Variants in LNPEP observed in about 807,000 individuals in gnomAD.
LNPEP encodes leucyl and cystinyl aminopeptidase, also known as leucyl-cystinyl aminopeptidase.
A neutral mutation model predicts 120.6 loss-of-function variants in LNPEP; 64 were observed. The ratio of observed to expected loss-of-function variants is 0.53; its 90% CI spans 0.43 to 0.65. The LOEUF (loss-of-function observed/expected upper bound fraction) is 0.65, where lower values mean the gene tolerates loss of function less well. Ranked by LOEUF, LNPEP falls within the 30% of genes least tolerant of loss-of-function variation. The pLI is 0.00. For missense variants in LNPEP, 1,057 were observed against 1,200.0 expected, an observed-to-expected ratio of 0.88 and a Z score of 1.76; for synonymous variants, 435 against 425.4, an observed-to-expected ratio of 1.02 and a Z score of -0.28.
At chr5:97,023,160 T>C (rs551200745) in intron 14 of LNPEP, among the ~76,000 whole-genome samples, 3 of 152,276 alleles carry the variant, frequency 2.0e-5, no homozygotes, top group Non-Finnish European at 1.5e-5. Context: ...TAAAGTCATA[T>C]AGAATTTGCT....
At position 96,986,693 on chromosome 5, in the gene LNPEP, T is replaced by G; in HGVS notation, c.1131+23T>G. The stretch of plus-strand genomic sequence containing the variant: ...CTGGTATGTTGATGTGGTAATTGTC[T>G]GAAAGCCTGTGTCACAAGAGGCTCA... On this transcript the variant is annotated intron_variant, in intron 4 of 17. Transcript: ENST00000231368. 5 of 1,611,036 alleles carry G rather than the reference T, an allele frequency of 3.1e-6. No homozygotes were observed. In the South Asian group the frequency reaches 5.5e-5, roughly 18 times the overall value.
chr5:96,945,462 CAA>C lies in LNPEP; in HGVS notation c.19+9289_19+9290del, dbSNP rs149670738. ...GTCTTTTTCTATAGAATGTTCCACACAAGAGACAGCTTTGCAGGGCCATTTCA... is the reference window on the plus strand; with the variant it reads ...GTCTTTTTCTATAGAATGTTCCACACGAGACAGCTTTGCAGGGCCATTTCA... On this transcript the variant is annotated intron_variant, in intron 1 of 17. Coordinates refer to ENST00000231368, the MANE Select transcript of LNPEP (RefSeq NM_005575.3). Among the ~76,000 whole-genome samples, 686 of 150,068 alleles carry C rather than the reference CAA, an allele frequency of 4.6e-3. 8 individuals carry two copies. The highest frequency in any genetic ancestry group is 0.016 in the African/African-American group (637 of 40,826).
At chr5:96,996,365 G>T (rs965416136) in intron 6 of LNPEP, 25 bp from the exon 7 acceptor site, 15 of 1,252,404 alleles carry the variant, frequency 1.2e-5, no homozygotes, top group African/African-American at 1.7e-5. Context: ...ATATCCTGTG[G>T]GTTAATTGTT....
intron 1 of LNPEP, among the ~76,000 whole-genome samples, chr5:96,952,358 A>G (rs1243195991): frequency 6.6e-6 from 1 of 152,196 alleles, no homozygotes; most frequent in Non-Finnish European, 1.5e-5. Flanking sequence ...GGCATATAAC[A>G]TATTATGATG....
chr5:96,984,031 T>C (rs1371332329), intron 2 of LNPEP, among the ~76,000 whole-genome samples: 3 of 152,192 alleles, frequency 2.0e-5, no homozygotes, highest in Non-Finnish European at 4.4e-5. Flanking sequence ...CCTACCTTTG[T>C]GGCTTCATCT....
rs796273808 is a variant in LNPEP at position 97,010,791 on chromosome 5, C to T, written c.2036-2857C>T. The T allele has an allele frequency of 1.6e-5, 16 of 985,358 alleles. 1 individual carries two copies. The African/African-American group carries it at 2.6e-4, about 16-fold the overall frequency. The allele number at this position is 985,358 out of a possible 1,614,324, so 61.0% of individuals were successfully genotyped here. A position where few individuals can be genotyped will look rare whatever the true frequency, so the allele number is the denominator to read the frequency against. ...GTAAATTAAAAACATATGAGGGTAG[C>T]TTCATCCACGTTTGAGCTGTAGGAT... On this transcript the variant is annotated intron_variant, in intron 11 of 17. Transcript: ENST00000231368.
At position 96,979,581 on chromosome 5, in the gene LNPEP, G is replaced by A; in HGVS notation, c.463G>A (p.Ala155Thr). 6.2e-7 allele frequency: 1 copy of A among 1,614,054 alleles called. No individual in the cohort carries two copies. The highest frequency in any genetic ancestry group is 8.5e-7 in the Non-Finnish European group (1 of 1,179,964). The change falls in exon 2 of 18, where the codon GCA becomes ACA. Residue 155 changes from alanine to threonine, a missense_variant. By Grantham distance (58) the Ala-to-Thr change is moderately conservative. Transcript: ENST00000231368. ...GTCAATTGGACTAATTCAGCCATTT[G>A]CAACAAATGGGAAATTGTTTCCATG... ...NQSIGLIQPFATNGKLFPWAQ... is the reference protein window; with the variant it reads ...NQSIGLIQPFTTNGKLFPWAQ...
chr5:96,936,527 C>G (rs902068965), intron 1 of LNPEP: 19 of 201,412 alleles, frequency 9.4e-5, no homozygotes, highest in African/African-American at 4.4e-4. Flanking sequence ...CCCGACTCTC[C>G]TGTAGGAGCG....
At chr5:97,013,532 T>C in intron 11 of LNPEP, 116 bp from the exon 12 acceptor site, 3 of 521,668 alleles carry the variant, frequency 5.8e-6, no homozygotes, top group Non-Finnish European at 9.7e-6. Context: ...ACAGGCATTT[T>C]TTTCTTACTA....
At chr5:96,943,448 G>A (rs1405494868) in intron 1 of LNPEP, among the ~76,000 whole-genome samples, 1 of 152,072 alleles carries the variant, frequency 6.6e-6, no homozygotes, top group Non-Finnish European at 1.5e-5. Flanking sequence ...CACCATGCCT[G>A]GCTAATTTTT....
intron 4 of LNPEP, among the ~76,000 whole-genome samples, chr5:96,992,056 C>G (rs1166348073): frequency 2.0e-5 from 3 of 152,084 alleles, no homozygotes; most frequent in Admixed American, 6.5e-5. Flanking sequence ...TTTGTAAAAC[C>G]CATTGCTTTG....
intron 11 of LNPEP, among the ~76,000 whole-genome samples, chr5:97,013,015 A>G (rs769832006): frequency 6.6e-6 from 1 of 152,168 alleles, no homozygotes; most frequent in Non-Finnish European, 1.5e-5. Flanking sequence ...GACACATTTT[A>G]CACAGTTCTC....
In LNPEP at chr5:97,030,623, TG is replaced by T. The variant is rs1791450752; in HGVS notation, c.*2091del. 4 of 15,632 alleles carry T rather than the reference TG, an allele frequency of 2.6e-4. No individual in the cohort carries two copies. The highest frequency in any genetic ancestry group is 4.7e-4 in the Non-Finnish European group (4 of 8,442). 1.0% of individuals were successfully genotyped at this position (15,632 alleles called of 1,614,324 possible). The stretch of plus-strand genomic sequence containing the variant: ...TTCTCTCCCTCTCTCTCTCTCTCTG[TG>T]TGTGTGTGTGTGTGTGTGTGTGTGT... On this transcript the variant is annotated 3_prime_UTR_variant, in exon 18 of 18. Transcript: ENST00000231368.
At chr5:97,010,838 A>G in intron 11 of LNPEP, 1 of 985,414 alleles carries the variant, frequency 1.0e-6, no homozygotes, top group Non-Finnish European at 1.2e-6. Context: ...CCTTGTGTGC[A>G]AAGCTATTAT....
At position 97,033,305 on chromosome 5, in the gene LNPEP, G is replaced by A. The variant is rs2112683697; in HGVS notation, c.*4772G>A. ...TATTTGAGGTGAGGGGGAGGGACGG[G>A]GAAGGTAGGAAAATGCACTTAATGT... On this transcript the variant is annotated 3_prime_UTR_variant, in exon 18 of 18. Transcript: ENST00000231368. 6.6e-6 allele frequency: 1 copy of A among 152,186 alleles called. No homozygotes were observed. The highest frequency in any genetic ancestry group is 6.5e-5 in the Admixed American group (1 of 15,268). The allele number at this position is 152,186 out of a possible 1,614,324, so 9.4% of individuals were successfully genotyped here.
At chr5:96,974,632 A>G (rs1269199193) in intron 1 of LNPEP, among the ~76,000 whole-genome samples, 4 of 152,072 alleles carry the variant, frequency 2.6e-5, no homozygotes, top group Admixed American at 6.6e-5. Context: ...AAACTACTAC[A>G]TACCTTCAAA....
intron 11 of LNPEP, among the ~76,000 whole-genome samples, chr5:97,008,631 C>A (rs1790847920): frequency 6.9e-6 from 1 of 145,850 alleles, no homozygotes; most frequent in Non-Finnish European, 1.5e-5. Context: ...GGATTACAGG[C>A]ATGAGCCACC....
chr5:96,936,314 AGGGGATCTG>A lies in LNPEP; in HGVS notation c.19+146_19+154del, dbSNP rs1055133906. ...CACGAGGGCTGAGGGAGGCAGGGAGAGGGGATCTGGGGGAGGCAGGGAGGTTCGGGGGGC... is the reference window on the plus strand; with the variant it reads ...CACGAGGGCTGAGGGAGGCAGGGAGAGGGGAGGCAGGGAGGTTCGGGGGGC... On this transcript the variant is annotated intron_variant, in intron 1 of 17. Transcript: ENST00000231368. 9 of 158,824 alleles carry A rather than the reference AGGGGATCTG, an allele frequency of 5.7e-5. No individual in the cohort carries two copies. In the Admixed American group the frequency reaches 1.0e-3, roughly 18 times the overall value. The allele number at this position is 158,824 out of a possible 1,614,324, so 9.8% of individuals were successfully genotyped here.
intron 1 of LNPEP, among the ~76,000 whole-genome samples, chr5:96,953,077 C>G (rs1789362148): frequency 6.6e-6 from 1 of 151,732 alleles, no homozygotes; most frequent in South Asian, 2.1e-4. Flanking sequence ...CTTTCTCAAG[C>G]TTTGCCCCGG....
Sources: allele counts gnomAD v4.1 joint callset (sites outside exome capture counted in the v4.1 genomes callset), GRCh38; gene constraint gnomAD v4.1.1; transcripts MANE v1.5; gene names NCBI Gene and HGNC (gene_info 2026-07-23, HGNC 2026-07-21).